Variants in MAML2 observed in about 807,000 individuals in gnomAD.
MAML2 encodes mastermind-like protein 2.
A neutral mutation model predicts 96.1 loss-of-function variants in MAML2; 22 were observed. The observed-to-expected ratio is 0.23, with a 90% CI of 0.16 to 0.33. MAML2 has a LOEUF of 0.33. MAML2 is among the 10% of genes least tolerant of loss of function. MAML2 has a pLI of 1.00. For synonymous variants in MAML2, 561 were observed against 521.3 expected (o/e 1.08, Z -1.04); for missense variants, 1,367 against 1,392.4 (o/e 0.98, Z 0.29).
At chr11:96,190,208 T>C (rs1861633944) in intron 1 of MAML2, among the ~76,000 whole-genome samples, 1 of 152,196 alleles carries the variant, frequency 6.6e-6, no homozygotes, top group South Asian at 2.1e-4. Flanking sequence ...ATGGTGGATA[T>C]ACATGTGTTA....
At chr11:95,980,750 C>T (rs1026363229) in intron 4 of MAML2, among the ~76,000 whole-genome samples, 1 of 152,188 alleles carries the variant, frequency 6.6e-6, no homozygotes, top group Non-Finnish European at 1.5e-5. Flanking sequence ...ATTTGCCCTT[C>T]GAATCTTTCA....
At chr11:96,121,086 G>GA (rs1860332401) in intron 1 of MAML2, among the ~76,000 whole-genome samples, 1 of 151,582 alleles carries the variant, frequency 6.6e-6, no homozygotes, top group Non-Finnish European at 1.5e-5. Context: ...CAGAGTCAGG[G>GA]GGGAGTGAAG....
At chr11:95,982,595 A>T (rs887205433) in intron 4 of MAML2, among the ~76,000 whole-genome samples, 1 of 152,136 alleles carries the variant, frequency 6.6e-6, no homozygotes, top group African/African-American at 2.4e-5. Context: ...CCAGCCCTAG[A>T]CTACTGTGCC....
chr11:96,340,899 CGAA>C (rs1429799017), intron 1 of MAML2, among the ~76,000 whole-genome samples: 11 of 152,006 alleles, frequency 7.2e-5, no homozygotes, highest in Non-Finnish European at 1.2e-4. Flanking sequence ...TTCTCTTAAG[CGAA>C]GAAGAAGGGG....
chr11:95,998,482 G>T (rs1591083541), intron 2 of MAML2, among the ~76,000 whole-genome samples: 1 of 152,094 alleles, frequency 6.6e-6, no homozygotes, highest in African/African-American at 2.4e-5. Flanking sequence ...ATTTCATCAG[G>T]TGCTAGAGAA....
At chr11:96,327,404 A>T (rs896452247) in intron 1 of MAML2, among the ~76,000 whole-genome samples, 2 of 151,974 alleles carry the variant, frequency 1.3e-5, no homozygotes, top group Admixed American at 1.3e-4. Context: ...TTCAAAACTG[A>T]TCTTCTTTCC....
intron 1 of MAML2, among the ~76,000 whole-genome samples, chr11:96,312,390 T>C (rs1863555848): frequency 6.6e-6 from 1 of 152,090 alleles, no homozygotes; most frequent in South Asian, 2.1e-4. Context: ...GGTGGGCTTT[T>C]GTGTGTGAGA....
intron 2 of MAML2, among the ~76,000 whole-genome samples, chr11:96,085,770 G>C (rs986895952): frequency 6.6e-6 from 1 of 151,930 alleles, no homozygotes; most frequent in Non-Finnish European, 1.5e-5. Context: ...TCCCCTAACT[G>C]TGGAGTTGAA....
At chr11:96,199,274 A>T (rs146213448) in intron 1 of MAML2, among the ~76,000 whole-genome samples, 550 of 149,392 alleles carry the variant, frequency 3.7e-3, no homozygotes, top group African/African-American at 0.013. Flanking sequence ...CCTTCTTCCC[A>T]GCTGGACCAC....
intron 1 of MAML2, among the ~76,000 whole-genome samples, chr11:96,259,672 A>G (rs775182816): frequency 1.3e-5 from 2 of 152,224 alleles, no homozygotes; most frequent in Admixed American, 6.5e-5. Flanking sequence ...TCCTCCAACA[A>G]ACACAAAGTA....
intron 1 of MAML2, among the ~76,000 whole-genome samples, chr11:96,130,475 G>A (rs1860528229): frequency 6.6e-6 from 1 of 152,160 alleles, no homozygotes; most frequent in Non-Finnish European, 1.5e-5. Flanking sequence ...AGCTTGCCAA[G>A]CCATAATATG....
intron 1 of MAML2, among the ~76,000 whole-genome samples, chr11:96,226,069 C>T (rs1862206243): frequency 6.6e-6 from 1 of 152,144 alleles, no homozygotes; most frequent in Non-Finnish European, 1.5e-5. Context: ...TATGCTACAT[C>T]TTAGAAATAC....
At chr11:96,102,040 G>A (rs1331701152) in intron 1 of MAML2, among the ~76,000 whole-genome samples, 1 of 152,186 alleles carries the variant, frequency 6.6e-6, no homozygotes, top group African/African-American at 2.4e-5. Context: ...ACTTTGGGAG[G>A]CTGAGGCAGA....
In MAML2 at chr11:96,157,606, T is replaced by C. The variant is rs1450668860; in HGVS notation, c.514-64089A>G. On this transcript the variant is annotated intron_variant, in intron 1 of 4. Coordinates refer to ENST00000524717, the MANE Select transcript of MAML2 (RefSeq NM_032427.4). ...AGAAATAACTGATAAGTATCTCTTA[T>C]ACAAAATTTGACTTTTGCAAGTAAA... Among the ~76,000 whole-genome samples, 7 of 152,250 alleles carry C rather than the reference T, an allele frequency of 4.6e-5. No individual in the cohort carries two copies. The East Asian group carries it at 1.3e-3, about 29-fold the overall frequency.
At chr11:96,317,158 G>A (rs1863643764) in intron 1 of MAML2, among the ~76,000 whole-genome samples, 2 of 152,066 alleles carry the variant, frequency 1.3e-5, no homozygotes, top group Admixed American at 1.3e-4. Context: ...TGTTCCATCT[G>A]GGTCACACAT....
chr11:96,024,004 A>C (rs982108469), intron 2 of MAML2, among the ~76,000 whole-genome samples: 2 of 152,234 alleles, frequency 1.3e-5, no homozygotes, highest in African/African-American at 4.8e-5. Flanking sequence ...GGTCTGGAGA[A>C]AGTTAAGATA....
Position 95,978,310 on chromosome 11 carries a change from C to T in MAML2, c.*638G>A, listed in dbSNP as rs1328448107. 1.0e-5 allele frequency: 2 copies of T among 199,650 alleles called. No individual in the cohort carries two copies. The highest frequency in any genetic ancestry group is 6.0e-5 in the Admixed American group (1 of 16,548). 12.4% of individuals were successfully genotyped at this position (199,650 alleles called of 1,614,324 possible). A position where few individuals can be genotyped will look rare whatever the true frequency, so the allele number is the denominator to read the frequency against. ...ATTTTTGTTTAATCACTAGACACAGCATCCCACTGAAGTAGAGGATTGTGG... is the reference window on the plus strand; with the variant it reads ...ATTTTTGTTTAATCACTAGACACAGTATCCCACTGAAGTAGAGGATTGTGG... On this transcript the variant is annotated 3_prime_UTR_variant, in exon 5 of 5. Transcript: ENST00000524717.
intron 1 of MAML2, among the ~76,000 whole-genome samples, chr11:96,118,219 T>G (rs781065615): frequency 6.6e-6 from 1 of 152,176 alleles, no homozygotes; most frequent in Non-Finnish European, 1.5e-5. Flanking sequence ...ACTGTCTTTT[T>G]CATCTGCAAA....
At chr11:96,169,659 C>CCT (rs1861250650) in intron 1 of MAML2, among the ~76,000 whole-genome samples, 1 of 144,896 alleles carries the variant, frequency 6.9e-6, no homozygotes, top group South Asian at 2.1e-4. Context: ...AGAAAGTAAA[C>CCT]TTTTTTTTTT....
Sources: allele counts gnomAD v4.1 joint callset (sites outside exome capture counted in the v4.1 genomes callset), GRCh38; gene constraint gnomAD v4.1.1; transcripts MANE v1.5; gene names NCBI Gene and HGNC (gene_info 2026-07-23, HGNC 2026-07-21).